Variants in RBPJ observed in about 807,000 individuals in gnomAD.
RBPJ encodes recombining binding protein suppressor of hairless.
A neutral mutation model predicts 67.8 loss-of-function variants in RBPJ; 9 were observed. The observed-to-expected ratio is 0.13, with a 90% CI of 0.08 to 0.23. RBPJ has a LOEUF of 0.23. Among genes scored for constraint, RBPJ ranks in the 10% least tolerant of loss-of-function variants. RBPJ has a pLI of 1.00. For synonymous variants in RBPJ, 198 were observed against 203.3 expected (o/e 0.97, Z 0.22); for missense variants, 305 against 595.6 (o/e 0.51, Z 5.08).
At chr4:26,163,865 G>C (rs1716155587) in intron 1 of RBPJ, among the ~76,000 whole-genome samples, 1 of 152,226 alleles carries the variant, frequency 6.6e-6, no homozygotes, top group South Asian at 2.1e-4. Flanking sequence ...AAGCTGTGCA[G>C]TCCTAGGACA....
intron 4 of RBPJ, 72 bp downstream of exon 4, chr4:26,415,712 G>A (rs933503286): frequency 2.1e-6 from 3 of 1,414,154 alleles, no homozygotes; most frequent in African/African-American, 1.4e-5. Context: ...ATTCATTTTT[G>A]TGGTGGAGAT....
In RBPJ at chr4:26,214,111, C is replaced by G. The variant is rs1204256350; in HGVS notation, c.-167+50497C>G. Among the ~76,000 whole-genome samples, 4 of 148,080 alleles carry G rather than the reference C, an allele frequency of 2.7e-5. No individual in the cohort carries two copies. In the East Asian group the frequency reaches 7.9e-4, roughly 29 times the overall value. On this transcript the variant is annotated intron_variant, in intron 1 of 4. Transcript: ENST00000512351. Reference sequence around the variant, plus strand: ...ACCAGCCTGGGCAACATAGAGAGACCTCATTGCTAGGAAGGATGGATGGAA... The same window carrying G: ...ACCAGCCTGGGCAACATAGAGAGACGTCATTGCTAGGAAGGATGGATGGAA...
upstream of RBPJ, chr4:26,320,755 C>T (rs764742859): frequency 1.3e-6 from 2 of 1,553,804 alleles, no homozygotes; most frequent in Non-Finnish European, 1.7e-6. Flanking sequence ...GGAGCGCTCC[C>T]CATGGACCAC....
intron 1 of RBPJ, among the ~76,000 whole-genome samples, chr4:26,235,112 C>T (rs375218849): frequency 6.6e-6 from 1 of 152,066 alleles, no homozygotes; most frequent in Non-Finnish European, 1.5e-5. Flanking sequence ...GTACCTGGCA[C>T]ATAGTAAGTG....
chr4:26,109,526 A>G, the RBPJ span, among the ~76,000 whole-genome samples: 6 of 111,846 alleles, frequency 5.4e-5, no homozygotes, highest in South Asian at 2.0e-3. Flanking sequence ...ACACACACAT[A>G]TATATATATA....
At chr4:26,165,880 C>T (rs1716271429) in intron 1 of RBPJ, among the ~76,000 whole-genome samples, 1 of 131,558 alleles carries the variant, frequency 7.6e-6, no homozygotes, top group South Asian at 2.5e-4. Flanking sequence ...CCCCACCCCA[C>T]AACAGTCCCC....
Position 26,355,485 on chromosome 4 carries a change from CAAA to C in RBPJ, c.21-30851_21-30849del, listed in dbSNP as rs33950714. On this transcript the variant is annotated intron_variant, in intron 1 of 10. Coordinates refer to ENST00000355476, the MANE Select transcript of RBPJ (RefSeq NM_015874.6). ...CAACATAGCAAGACTTCATCTCTAC[CAAA>C]AAAAAAAAAAAAAAAATGGGTGTGG... Among the ~76,000 whole-genome samples, 1,091 of 131,714 alleles carry C rather than the reference CAAA, an allele frequency of 8.3e-3. 8 individuals are homozygous for C. Among genetic ancestry groups the C allele is most frequent in the Middle Eastern group, 0.035 (9 of 256 alleles). The allele number at this position is 131,714 out of a possible 152,430, so 86.4% of individuals were successfully genotyped here.
At chr4:26,132,814 C>G in the RBPJ span, among the ~76,000 whole-genome samples, 1 of 152,204 alleles carries the variant, frequency 6.6e-6, no homozygotes, top group African/African-American at 2.4e-5. Context: ...CTCAACCCCC[C>G]CACCCCACAT....
At chr4:26,263,314 C>T (rs1220755845) in intron 1 of RBPJ, among the ~76,000 whole-genome samples, 1 of 148,760 alleles carries the variant, frequency 6.7e-6, no homozygotes, top group African/African-American at 2.5e-5. Context: ...CACCCAGCCC[C>T]CCCGCCCCAC....
upstream of RBPJ, among the ~76,000 whole-genome samples, chr4:26,320,046 C>T (rs139149593): frequency 7.6e-4 from 115 of 152,294 alleles, no homozygotes; most frequent in Non-Finnish European, 1.4e-3. Flanking sequence ...GGCCCGGTTC[C>T]CTGTGCAGTA....
rs1734464775 is a variant in RBPJ at position 26,415,403 on chromosome 4, G to A, written c.156-72G>A. The A allele has an allele frequency of 5.5e-6, 7 of 1,264,118 alleles. No individual in the cohort carries two copies. In the South Asian group the frequency reaches 1.0e-4, roughly 19 times the overall value. 78.3% of individuals were successfully genotyped at this position (1,264,118 alleles called of 1,614,324 possible). A position where few individuals can be genotyped will look rare whatever the true frequency, so the allele number is the denominator to read the frequency against. On this transcript the variant is annotated intron_variant, in intron 3 of 10. Coordinates refer to ENST00000355476, the MANE Select transcript of RBPJ (RefSeq NM_015874.6). ...ATGATTTTGTATTCATAATGTTCAA[G>A]GAAAGGAAATGCTTTATTGAATCTA...
chr4:26,424,229 C>A lies in RBPJ; in HGVS notation c.497-113C>A. The A allele has an allele frequency of 1.0e-6, 1 of 1,000,064 alleles. No individual in the cohort carries two copies. Among genetic ancestry groups the A allele is most frequent in the Non-Finnish European group, 1.5e-6 (1 of 671,782 alleles). The allele number at this position is 1,000,064 out of a possible 1,614,324, so 61.9% of individuals were successfully genotyped here. A position where few individuals can be genotyped will look rare whatever the true frequency, so the allele number is the denominator to read the frequency against. On this transcript the variant is annotated intron_variant, in intron 5 of 10. Transcript: ENST00000355476. The surrounding 1 kb of genome is among the most constrained non-coding windows in gnomAD (Gnocchi z 5.3). ...TTGGAAAGTGAAAATATTTGTCAAA[C>A]TGTTAAATGATAAGAAAGAATAATT...
At chr4:26,379,943 T>C (rs991770912) in intron 1 of RBPJ, among the ~76,000 whole-genome samples, 3 of 152,136 alleles carry the variant, frequency 2.0e-5, no homozygotes, top group African/African-American at 7.2e-5. Flanking sequence ...CCAGAACACA[T>C]CTTGCTTTGA....
chr4:26,293,299 C>A lies in RBPJ; in HGVS notation c.-166-69147C>A, dbSNP rs982619656. Among the ~76,000 whole-genome samples the A allele has an allele frequency of 1.1e-4, 17 of 150,296 alleles. 1 individual carries two copies. Among genetic ancestry groups the A allele is most frequent in the Middle Eastern group, 3.4e-3 (1 of 294 alleles). ...CATCTCTTGCATCTGGAAGGTGGTG[C>A]CCTCAGCTTCCTTTTTTTTTTTATT... On this transcript the variant is annotated intron_variant, in intron 1 of 4. Transcript: ENST00000512351.
chr4:26,328,188 A>G (rs1723852586), intron 1 of RBPJ, among the ~76,000 whole-genome samples: 1 of 151,906 alleles, frequency 6.6e-6, no homozygotes, highest in Non-Finnish European at 1.5e-5. Context: ...TAATCCATAC[A>G]CCATTTGGAG....
At chr4:26,255,797 G>A (rs1430788516) in intron 1 of RBPJ, among the ~76,000 whole-genome samples, 16 of 133,894 alleles carry the variant, frequency 1.2e-4, no homozygotes, top group Non-Finnish European at 1.8e-4. Context: ...GCAAGACTCC[G>A]TCTCAAAAAA....
At chr4:26,297,376 G>C (rs1354143795) in intron 1 of RBPJ, among the ~76,000 whole-genome samples, 2 of 151,858 alleles carry the variant, frequency 1.3e-5, no homozygotes, top group African/African-American at 2.4e-5. Flanking sequence ...GAGAGAGAGA[G>C]AGAGAGAGAG....
At chr4:26,129,498 C>A in the RBPJ span, among the ~76,000 whole-genome samples, 107 of 152,304 alleles carry the variant, frequency 7.0e-4, no homozygotes, top group African/African-American at 2.5e-3. Context: ...GGGTTCTCAT[C>A]TTTGCTCCAT....
chr4:26,204,105 T>G (rs1325824238), intron 1 of RBPJ, among the ~76,000 whole-genome samples: 4 of 152,094 alleles, frequency 2.6e-5, no homozygotes, highest in African/African-American at 9.7e-5. Context: ...CCACCATGCC[T>G]GACTAATTTT....
Sources: allele counts gnomAD v4.1 joint callset (sites outside exome capture counted in the v4.1 genomes callset), GRCh38; gene constraint gnomAD v4.1.1; non-coding constraint Gnocchi (gnomAD v3.1); transcripts MANE v1.5; gene names NCBI Gene and HGNC (gene_info 2026-07-23, HGNC 2026-07-21).